Variants in CERS6 observed in about 807,000 individuals in gnomAD.
CERS6 encodes ceramide synthase 6.
In CERS6, 26 loss-of-function variants were observed where a neutral mutation model predicts 56.8. The observed-to-expected ratio is 0.46, with a 90% confidence interval of 0.34 to 0.63. The LOEUF (loss-of-function observed/expected upper bound fraction) is 0.63, where lower values mean the gene tolerates loss of function less well. Ranked by LOEUF, CERS6 falls within the 30% of genes least tolerant of loss-of-function variation. The probability of loss-of-function intolerance (pLI) is 0.01; values close to 1 mark genes in which losing one functional copy is unlikely to be tolerated. For missense variants in CERS6, 415 were observed against 467.5 expected, an observed-to-expected ratio of 0.89 and a Z score of 1.04; for synonymous variants, 164 against 173.3, an observed-to-expected ratio of 0.95 and a Z score of 0.42.
At chr2:168,549,153 T>TA (rs1302786572) in intron 2 of CERS6, among the ~76,000 whole-genome samples, 1 of 152,218 alleles carries the variant, frequency 6.6e-6, no homozygotes, top group Non-Finnish European at 1.5e-5. Context: ...TACAGTATTC[T>TA]AAATGAATAA....
intron 4 of CERS6, among the ~76,000 whole-genome samples, chr2:168,634,709 G>A (rs556448687): frequency 1.9e-4 from 29 of 152,252 alleles, no homozygotes; most frequent in Middle Eastern, 3.4e-3. Flanking sequence ...CACCACACCC[G>A]ACACATGTGG....
At chr2:168,584,534 A>C (rs1416225867) in intron 3 of CERS6, among the ~76,000 whole-genome samples, 1 of 152,144 alleles carries the variant, frequency 6.6e-6, no homozygotes, top group Admixed American at 6.5e-5. Flanking sequence ...TTGGCCACAC[A>C]TTCCCTAATT....
intron 1 of CERS6, among the ~76,000 whole-genome samples, chr2:168,508,194 A>G (rs763006389): frequency 3.9e-5 from 6 of 152,198 alleles, no homozygotes; most frequent in Non-Finnish European, 7.3e-5. Context: ...ATTGATTTAC[A>G]ATAGGGTTGT....
At chr2:168,616,525 G>A (rs1684322378) in intron 3 of CERS6, among the ~76,000 whole-genome samples, 2 of 152,144 alleles carry the variant, frequency 1.3e-5, no homozygotes, top group Admixed American at 1.3e-4. Context: ...TAAACTTAAG[G>A]TAAAGGAGTG....
chr2:168,545,553 G>A (rs1198684614), intron 1 of CERS6, among the ~76,000 whole-genome samples: 2 of 151,632 alleles, frequency 1.3e-5, no homozygotes, highest in Non-Finnish European at 2.9e-5. Flanking sequence ...AAGTTGAAGA[G>A]ACAGTGTTGA....
intron 4 of CERS6, among the ~76,000 whole-genome samples, chr2:168,671,329 T>G (rs759833425): frequency 2.0e-5 from 3 of 152,176 alleles, no homozygotes; most frequent in African/African-American, 4.8e-5. Flanking sequence ...AGCGTTCAGT[T>G]TGATTATTTT....
chr2:168,674,986 A>G (rs1559047206), intron 4 of CERS6, among the ~76,000 whole-genome samples: 1 of 150,912 alleles, frequency 6.6e-6, no homozygotes, highest in Non-Finnish European at 1.5e-5. Flanking sequence ...TTATTTATTT[A>G]TTTATTTAGA....
At chr2:168,760,312 G>A (rs930165492) in intron 8 of CERS6, among the ~76,000 whole-genome samples, 1 of 152,196 alleles carries the variant, frequency 6.6e-6, no homozygotes, top group Non-Finnish European at 1.5e-5. Flanking sequence ...AGGACAAGAA[G>A]CATCCAGCAC....
intron 2 of CERS6, among the ~76,000 whole-genome samples, chr2:168,554,537 C>T (rs1447177834): frequency 1.3e-5 from 2 of 152,162 alleles, no homozygotes; most frequent in Non-Finnish European, 1.5e-5. Flanking sequence ...AGGGAAAAGA[C>T]AGCCATCTGC....
intron 1 of CERS6, among the ~76,000 whole-genome samples, chr2:168,496,510 C>T (rs1277142544): frequency 1.3e-5 from 2 of 152,012 alleles, no homozygotes; most frequent in Non-Finnish European, 2.9e-5. Context: ...CTTTTGGGTC[C>T]CCACACTATC....
intron 6 of CERS6, among the ~76,000 whole-genome samples, chr2:168,709,942 T>G (rs533889562): frequency 6.6e-6 from 1 of 152,352 alleles, no homozygotes; most frequent in East Asian, 1.9e-4. Context: ...AAAGGTATTT[T>G]ATTATGTATA....
chr2:168,625,416 C>CA (rs1684568897), intron 3 of CERS6, among the ~76,000 whole-genome samples: 1 of 152,072 alleles, frequency 6.6e-6, no homozygotes, highest in Non-Finnish European at 1.5e-5. Flanking sequence ...ATAAATTATT[C>CA]GATCTATTGT....
chr2:168,485,277 A>T (rs868402711), intron 1 of CERS6, among the ~76,000 whole-genome samples: 7 of 151,958 alleles, frequency 4.6e-5, no homozygotes, highest in African/African-American at 1.4e-4. Flanking sequence ...CTACACTCAC[A>T]TTTTCTTTTT....
At chr2:168,576,010 T>C (rs1365628098) in intron 3 of CERS6, among the ~76,000 whole-genome samples, 2 of 152,158 alleles carry the variant, frequency 1.3e-5, no homozygotes, top group East Asian at 1.9e-4. Context: ...GAGCGTTTAT[T>C]TGTGGTAACA....
intron 1 of CERS6, among the ~76,000 whole-genome samples, chr2:168,464,174 T>TGTGTGTGTGTG (rs1573999569): frequency 7.9e-4 from 110 of 139,792 alleles, no homozygotes; most frequent in East Asian, 4.1e-3. Context: ...TTTATACTTT[T>TGTGTGTGTGTG]TGTGTGTGTG....
chr2:168,585,995 G>T (rs1231768017), intron 3 of CERS6, among the ~76,000 whole-genome samples: 1 of 152,036 alleles, frequency 6.6e-6, no homozygotes, highest in African/African-American at 2.4e-5. Context: ...AGATACTTTA[G>T]TTTTTTGAGA....
chr2:168,590,224 A>T (rs1559010982), intron 3 of CERS6, among the ~76,000 whole-genome samples: 1 of 152,356 alleles, frequency 6.6e-6, no homozygotes, highest in East Asian at 1.9e-4. Context: ...GGTCATAGCT[A>T]AAAGAAATAG....
chr2:168,721,718 A>C (rs1418126300), intron 8 of CERS6, among the ~76,000 whole-genome samples: 1 of 151,450 alleles, frequency 6.6e-6, no homozygotes, highest in Non-Finnish European at 1.5e-5. Flanking sequence ...TCCTGGGCTC[A>C]AGTGATTCTC....
chr2:168,457,398 G>A (rs1266726422), intron 1 of CERS6, among the ~76,000 whole-genome samples: 5 of 152,106 alleles, frequency 3.3e-5, no homozygotes, highest in Non-Finnish European at 7.4e-5. Context: ...CAATTGTATA[G>A]TTCCTCGGTT....
Sources: gnomAD v4.1 joint callset for allele counts (sites outside exome capture counted in the v4.1 genomes callset) on GRCh38, gnomAD v4.1.1 for gene constraint, MANE v1.5 for transcripts, NCBI Gene and HGNC (gene_info 2026-07-23, HGNC 2026-07-21) for gene names.